The following STAG1 variants were observed in gnomAD, a reference collection of about 807,000 sequenced individuals.
The protein encoded by STAG1 is cohesin subunit SA-1.
A neutral mutation model predicts 170.9 loss-of-function variants in STAG1; 26 were observed. That is an observed-to-expected ratio of 0.15 (90% CI 0.11 to 0.21). The LOEUF is 0.21. Among genes scored for constraint, STAG1 ranks in the 10% least tolerant of loss-of-function variants. The pLI, the probability that STAG1 is intolerant of heterozygous loss-of-function variation, is 1.00. For missense variants in STAG1, 964 were observed against 1,509.5 expected, an observed-to-expected ratio of 0.64 and a Z score of 5.99; for synonymous variants, 514 against 497.7, an observed-to-expected ratio of 1.03 and a Z score of -0.44.
chr3:136,598,496 G>A (rs950363870), intron 4 of STAG1, among the ~76,000 whole-genome samples: 1 of 150,272 alleles, frequency 6.7e-6, no homozygotes, highest in Non-Finnish European at 1.5e-5. Flanking sequence ...GCGCAATCTC[G>A]GCTCACTGCA....
At chr3:136,486,371 A>G (rs2090012179) in intron 9 of STAG1, among the ~76,000 whole-genome samples, 1 of 152,238 alleles carries the variant, frequency 6.6e-6, no homozygotes, top group African/African-American at 2.4e-5. Flanking sequence ...ACAGCTTTGT[A>G]TACTTTGTTT....
chr3:136,410,794 T>C (rs1038946614), intron 21 of STAG1, among the ~76,000 whole-genome samples: 1 of 152,172 alleles, frequency 6.6e-6, no homozygotes, highest in African/African-American at 2.4e-5. Context: ...GTCAACATAG[T>C]GAAATTTCAT....
intron 20 of STAG1, among the ~76,000 whole-genome samples, chr3:136,418,794 A>G (rs917113239): frequency 6.6e-6 from 1 of 152,058 alleles, no homozygotes; most frequent in African/African-American, 2.4e-5. Context: ...GGTGTGCGCC[A>G]TGACACCTGG....
intron 4 of STAG1, among the ~76,000 whole-genome samples, chr3:136,593,947 T>C (rs1324265325): frequency 6.6e-6 from 1 of 152,232 alleles, no homozygotes; most frequent in Non-Finnish European, 1.5e-5. Flanking sequence ...CAATAGTATA[T>C]GTGTCCTCTC....
chr3:136,404,938 A>C (rs1466160924), intron 21 of STAG1, among the ~76,000 whole-genome samples: 1 of 152,134 alleles, frequency 6.6e-6, no homozygotes, highest in East Asian at 1.9e-4. Context: ...TAAAAACCTA[A>C]AAATCCACGT....
At chr3:136,601,188 A>C (rs1348945813) in intron 4 of STAG1, among the ~76,000 whole-genome samples, 1 of 152,144 alleles carries the variant, frequency 6.6e-6, no homozygotes, top group Non-Finnish European at 1.5e-5. Context: ...TAATACAATA[A>C]AACTGGAAAC....
chr3:136,463,603 T>A (rs1273850577), intron 13 of STAG1, among the ~76,000 whole-genome samples: 2 of 151,254 alleles, frequency 1.3e-5, no homozygotes. Flanking sequence ...ATCAACTGGG[T>A]ACAGTGGCTC....
At chr3:136,484,194 C>T (rs1376079397) in intron 9 of STAG1, among the ~76,000 whole-genome samples, 2 of 151,224 alleles carry the variant, frequency 1.3e-5, no homozygotes, top group Non-Finnish European at 2.9e-5. Flanking sequence ...TCTGTTTTTT[C>T]CCCATCTTTG....
chr3:136,587,200 A>T (rs184045037), intron 4 of STAG1, among the ~76,000 whole-genome samples: 75 of 152,254 alleles, frequency 4.9e-4, no homozygotes, highest in Non-Finnish European at 3.2e-4. Flanking sequence ...TCTTAAGCAA[A>T]TATTAATCTA....
chr3:136,464,207 T>C (rs1331008520), intron 13 of STAG1, among the ~76,000 whole-genome samples: 2 of 152,044 alleles, frequency 1.3e-5, no homozygotes. Flanking sequence ...GCGGATTACC[T>C]GAGGTCGGGA....
At chr3:136,729,570 C>CTTTT (rs34078029) in intron 1 of STAG1, among the ~76,000 whole-genome samples, 4 of 94,636 alleles carry the variant, frequency 4.2e-5, no homozygotes, top group East Asian at 4.4e-4. Context: ...TGTAGTTTTC[C>CTTTT]TTTTTTTTTT....
chr3:136,733,452 T>C (rs1934156558), intron 1 of STAG1, among the ~76,000 whole-genome samples: 1 of 152,204 alleles, frequency 6.6e-6, no homozygotes, highest in South Asian at 2.1e-4. Flanking sequence ...GTATTTGCAC[T>C]GTTGTGCAGC....
chr3:136,556,397 G>C lies in STAG1; in HGVS notation c.394+12368C>G, dbSNP rs1255917692. Among the ~76,000 whole-genome samples, 3 of 152,144 alleles carry C rather than the reference G, an allele frequency of 2.0e-5. No individual in the cohort carries two copies. In the South Asian group the frequency reaches 6.2e-4, roughly 32 times the overall value. On this transcript the variant is annotated intron_variant, in intron 5 of 33. Transcript: ENST00000383202. ...ATGGGGTTCTACTGACATTTAGTGGGTAGAGGCCAGAGATGCTGCTAAATG... is the reference window on the plus strand; with the variant it reads ...ATGGGGTTCTACTGACATTTAGTGGCTAGAGGCCAGAGATGCTGCTAAATG...
At chr3:136,410,684 C>T (rs1486030519) in intron 21 of STAG1, among the ~76,000 whole-genome samples, 1 of 152,128 alleles carries the variant, frequency 6.6e-6, no homozygotes, top group African/African-American at 2.4e-5. Context: ...ATGTAAAAGA[C>T]TTAAAATACA....
chr3:136,545,608 G>A (rs547643062), intron 5 of STAG1, among the ~76,000 whole-genome samples: 2 of 152,068 alleles, frequency 1.3e-5, no homozygotes, highest in Admixed American at 6.5e-5. Flanking sequence ...GATTTGAGGA[G>A]GGGGTCTGGG....
chr3:136,714,832 C>T (rs1485737235), intron 1 of STAG1, among the ~76,000 whole-genome samples: 1 of 146,872 alleles, frequency 6.8e-6, no homozygotes, highest in Non-Finnish European at 1.5e-5. Flanking sequence ...TCACTTGAAC[C>T]TGGGAGGTCA....
intron 4 of STAG1, among the ~76,000 whole-genome samples, chr3:136,592,278 G>A (rs1486873506): frequency 6.6e-6 from 1 of 152,140 alleles, no homozygotes; most frequent in African/African-American, 2.4e-5. Context: ...GGAGGTAATT[G>A]AATCATGGGG....
chr3:136,404,946 C>T (rs1212765758), intron 21 of STAG1, among the ~76,000 whole-genome samples: 2 of 151,808 alleles, frequency 1.3e-5, no homozygotes, highest in African/African-American at 2.4e-5. Context: ...TAAAAATCCA[C>T]GTAATGACAG....
intron 16 of STAG1, among the ~76,000 whole-genome samples, chr3:136,424,163 G>A (rs2088042145): frequency 6.6e-6 from 1 of 152,026 alleles, no homozygotes; most frequent in Admixed American, 6.6e-5. Context: ...ACTTTTGAAT[G>A]ATCTACCAAC....
Sources: allele counts gnomAD v4.1 joint callset (sites outside exome capture counted in the v4.1 genomes callset), GRCh38; gene constraint gnomAD v4.1.1; transcripts MANE v1.5; gene names NCBI Gene and HGNC (gene_info 2026-07-23, HGNC 2026-07-21).